The following TAX1BP1 variants were observed in gnomAD, a reference collection of about 807,000 sequenced individuals.
TAX1BP1 encodes Tax1 binding protein 1, also known as tax1-binding protein 1.
In TAX1BP1, 62 loss-of-function variants were observed where a neutral mutation model predicts 97.7. The ratio of observed to expected loss-of-function variants is 0.63; its 90% CI spans 0.52 to 0.78. TAX1BP1 has a LOEUF of 0.78. TAX1BP1 is among the 30% of genes least tolerant of loss of function. The pLI, the probability that TAX1BP1 is intolerant of heterozygous loss-of-function variation, is 0.00. For synonymous variants in TAX1BP1, 340 were observed against 304.2 expected, an observed-to-expected ratio of 1.12 and a Z score of -1.23; for missense variants, 867 against 916.1, an observed-to-expected ratio of 0.95 and a Z score of 0.69.
At chr7:27,755,191 AT>A (rs554536629) in intron 2 of TAX1BP1, among the ~76,000 whole-genome samples, 2 of 152,124 alleles carry the variant, frequency 1.3e-5, no homozygotes, top group Non-Finnish European at 2.9e-5. Flanking sequence ...TTCCCCAGTG[AT>A]GTCTGTTGTT....
intron 7 of TAX1BP1, 50 bp from the exon 8 acceptor site, chr7:27,787,368 C>T: frequency 6.8e-7 from 1 of 1,472,402 alleles, no homozygotes. Flanking sequence ...CTTTGACTAA[C>T]TTAGGTCATG....
intron 2 of TAX1BP1, among the ~76,000 whole-genome samples, chr7:27,754,103 G>C (rs1341251332): frequency 6.6e-6 from 1 of 151,988 alleles, no homozygotes; most frequent in Non-Finnish European, 1.5e-5. Context: ...TCCTATACTA[G>C]ACAAACAAAA....
intron 10 of TAX1BP1, 63 bp from the exon 11 acceptor site, chr7:27,794,260 C>A: frequency 7.3e-7 from 1 of 1,369,440 alleles, no homozygotes; most frequent in Non-Finnish European, 1.0e-6. Flanking sequence ...TACTTAGTTA[C>A]TGCAAGGAGG....
chr7:27,820,847 T>C (rs570032187), intron 15 of TAX1BP1, among the ~76,000 whole-genome samples: 62 of 152,316 alleles, frequency 4.1e-4, no homozygotes, highest in African/African-American at 1.4e-3. Flanking sequence ...AAAATAGATA[T>C]AGGTTGACTA....
At chr7:27,825,307 A>G (rs1464613021) in intron 15 of TAX1BP1, among the ~76,000 whole-genome samples, 5 of 150,950 alleles carry the variant, frequency 3.3e-5, no homozygotes. Context: ...TTTTTAATCT[A>G]CTGTGGTTTT....
intron 12 of TAX1BP1, among the ~76,000 whole-genome samples, chr7:27,797,003 T>A (rs180726137): frequency 6.8e-4 from 100 of 147,142 alleles, no homozygotes; most frequent in South Asian, 1.3e-3. Context: ...TATTTTATTT[T>A]ATTTTTTTTT....
chr7:27,819,599 A>G (rs1223960342), intron 15 of TAX1BP1, among the ~76,000 whole-genome samples: 3 of 152,196 alleles, frequency 2.0e-5, no homozygotes, highest in African/African-American at 7.2e-5. Flanking sequence ...GATGCTCCTC[A>G]ACTTACGATG....
intron 13 of TAX1BP1, among the ~76,000 whole-genome samples, chr7:27,816,114 G>A (rs116943647): frequency 0.011 from 1,653 of 152,258 alleles, 15 homozygotes; most frequent in Non-Finnish European, 0.018. Context: ...TACTTTCTTG[G>A]CACAAATAAA....
At chr7:27,815,374 C>T (rs1317562083) in intron 13 of TAX1BP1, among the ~76,000 whole-genome samples, 2 of 152,090 alleles carry the variant, frequency 1.3e-5, no homozygotes, top group African/African-American at 4.8e-5. Flanking sequence ...ATTTCTTCTG[C>T]ATCAATTGAA....
At chr7:27,770,179 A>C (rs1788791809) in intron 5 of TAX1BP1, among the ~76,000 whole-genome samples, 1 of 151,712 alleles carries the variant, frequency 6.6e-6, no homozygotes, top group African/African-American at 2.4e-5. Context: ...GAAAAATGGG[A>C]TACATAAATT....
intron 12 of TAX1BP1, among the ~76,000 whole-genome samples, chr7:27,796,549 G>A (rs1045273879): frequency 6.6e-6 from 1 of 152,196 alleles, no homozygotes; most frequent in Non-Finnish European, 1.5e-5. Flanking sequence ...CTTCATAAAA[G>A]GGAAGTGCTG....
intron 13 of TAX1BP1, among the ~76,000 whole-genome samples, chr7:27,805,817 C>A (rs974262208): frequency 6.6e-6 from 1 of 151,978 alleles, no homozygotes; most frequent in Non-Finnish European, 1.5e-5. Context: ...GCCTGGGCAA[C>A]AGAGTGAGAC....
intron 15 of TAX1BP1, among the ~76,000 whole-genome samples, chr7:27,824,038 C>G (rs1209257235): frequency 2.6e-5 from 4 of 152,096 alleles, no homozygotes; most frequent in African/African-American, 7.2e-5. Flanking sequence ...TGGGTTGTTT[C>G]TACCTTTTGA....
At chr7:27,821,240 A>G (rs908048894) in intron 15 of TAX1BP1, among the ~76,000 whole-genome samples, 11 of 152,210 alleles carry the variant, frequency 7.2e-5, no homozygotes, top group Admixed American at 6.5e-5. Flanking sequence ...TACCTTTCAT[A>G]TAGTAGAGGC....
At chr7:27,810,109 G>A (rs1476053007) in intron 13 of TAX1BP1, among the ~76,000 whole-genome samples, 2 of 151,590 alleles carry the variant, frequency 1.3e-5, no homozygotes, top group African/African-American at 4.9e-5. Flanking sequence ...AGGTTTCACT[G>A]TGTTAGCCAG....
intron 13 of TAX1BP1, among the ~76,000 whole-genome samples, chr7:27,809,794 A>G (rs1423780790): frequency 6.6e-6 from 1 of 152,014 alleles, no homozygotes; most frequent in South Asian, 2.1e-4. Flanking sequence ...TTTTCATGAA[A>G]CCCTTGACTC....
intron 11 of TAX1BP1, among the ~76,000 whole-genome samples, chr7:27,795,258 T>C (rs540288799): frequency 6.6e-6 from 1 of 152,252 alleles, no homozygotes; most frequent in African/African-American, 2.4e-5. Context: ...AATGGTGTTA[T>C]AGGGTATTTA....
chr7:27,802,313 G>T (rs1790169639), intron 13 of TAX1BP1, among the ~76,000 whole-genome samples: 1 of 152,170 alleles, frequency 6.6e-6, no homozygotes, highest in Non-Finnish European at 1.5e-5. Context: ...AGGAAATCAG[G>T]TAGGAATATT....
intron 13 of TAX1BP1, among the ~76,000 whole-genome samples, chr7:27,806,512 C>T (rs373791016): frequency 2.5e-4 from 38 of 152,020 alleles, no homozygotes; most frequent in African/African-American, 8.4e-4. Flanking sequence ...ATCAAAATGC[C>T]GGTTTTATGT....
Sources: allele counts gnomAD v4.1 joint callset (sites outside exome capture counted in the v4.1 genomes callset), GRCh38; gene constraint gnomAD v4.1.1; transcripts MANE v1.5; gene names NCBI Gene and HGNC (gene_info 2026-07-23, HGNC 2026-07-21).